Variants in ADAM29 observed in about 807,000 individuals in gnomAD.
The protein encoded by ADAM29 is disintegrin and metalloproteinase domain-containing protein 29.
For missense variants in ADAM29, 969 were observed against 1,001.8 expected (o/e 0.97, Z 0.44); for synonymous variants, 367 against 342.3 (o/e 1.07, Z -0.80).
intron 4 of ADAM29, among the ~76,000 whole-genome samples, chr4:174,940,928 C>A (rs1296562485): frequency 1.3e-5 from 2 of 152,076 alleles, no homozygotes; most frequent in African/African-American, 2.4e-5. Flanking sequence ...GTGTCATACT[C>A]AAGAACAATA....
At chr4:174,954,815 G>A (rs1745405733) in intron 4 of ADAM29, among the ~76,000 whole-genome samples, 1 of 152,028 alleles carries the variant, frequency 6.6e-6, no homozygotes, top group African/African-American at 2.4e-5. Context: ...ATGAATGAAT[G>A]GGCTTGGATT....
intron 4 of ADAM29, among the ~76,000 whole-genome samples, chr4:174,943,499 C>A (rs1744663561): frequency 6.6e-6 from 1 of 152,116 alleles, no homozygotes; most frequent in Admixed American, 6.6e-5. Flanking sequence ...CAAGTAACAT[C>A]TTATATAGCA....
rs190916271 is a variant in ADAM29 at position 174,939,453 on chromosome 4, A to G, written c.-181+2440A>G. On this transcript the variant is annotated intron_variant, in intron 4 of 4. Transcript: ENST00000359240. ...AAAATGAATCATCAAACAACTGGAT[A>G]TTTTCCCCTTTAATATTTCAAGTAT... Among the ~76,000 whole-genome samples, 43 of 152,212 alleles carry G rather than the reference A, an allele frequency of 2.8e-4. 1 individual carries two copies. The East Asian group carries it at 7.9e-3, about 28-fold the overall frequency.
At chr4:174,968,095 G>A (rs1746254849) in intron 4 of ADAM29, among the ~76,000 whole-genome samples, 1 of 151,970 alleles carries the variant, frequency 6.6e-6, no homozygotes, top group Non-Finnish European at 1.5e-5. Context: ...TACATTGCAG[G>A]TGTCAGTACA....
chr4:174,940,398 A>C (rs2110970308), intron 4 of ADAM29, among the ~76,000 whole-genome samples: 1 of 152,270 alleles, frequency 6.6e-6, no homozygotes, highest in South Asian at 2.1e-4. Flanking sequence ...TGATATTAAA[A>C]CTTGAGGGTT....
chr4:174,939,910 A>T (rs7677157), intron 4 of ADAM29, among the ~76,000 whole-genome samples: 100,753 of 151,836 alleles, frequency 0.66, 34,307 homozygotes, highest in East Asian at 0.94. Context: ...ATGAATACAA[A>T]CTTTCCTTTT....
At chr4:174,960,617 C>T (rs1745757236) in intron 4 of ADAM29, among the ~76,000 whole-genome samples, 2 of 152,100 alleles carry the variant, frequency 1.3e-5, no homozygotes, top group South Asian at 4.1e-4. Context: ...ATTGCTCTAT[C>T]AAATGCTTTG....
chr4:174,971,828 T>C (rs1746495707), intron 4 of ADAM29, among the ~76,000 whole-genome samples: 1 of 152,134 alleles, frequency 6.6e-6, no homozygotes, highest in Non-Finnish European at 1.5e-5. Flanking sequence ...ACTTCCTTAA[T>C]GCTTATATTG....
At chr4:174,956,003 T>G (rs1745476438) in intron 4 of ADAM29, among the ~76,000 whole-genome samples, 1 of 152,068 alleles carries the variant, frequency 6.6e-6, no homozygotes, top group South Asian at 2.1e-4. Context: ...TCTTTCCTAT[T>G]GTGCTCAGGA....
chr4:174,929,584 T>TC (rs1040406324), intron 2 of ADAM29, among the ~76,000 whole-genome samples: 26 of 152,196 alleles, frequency 1.7e-4, no homozygotes, highest in African/African-American at 6.0e-4. Flanking sequence ...GCTAAGCTCC[T>TC]CCCTGCTGCA....
chr4:174,923,605 T>C (rs1039727727), intron 2 of ADAM29, among the ~76,000 whole-genome samples: 2 of 146,552 alleles, frequency 1.4e-5, no homozygotes, highest in Admixed American at 1.4e-4. Flanking sequence ...CCACCACACA[T>C]ACTTCCTTTC....
Position 174,977,031 on chromosome 4 carries a change from T to G in ADAM29, c.1506T>G (p.Asn502Lys), listed in dbSNP as rs1022401675. The G allele has an allele frequency of 6.2e-7, 1 of 1,614,026 alleles. No homozygotes were observed. The highest frequency in any genetic ancestry group is 1.3e-5 in the African/African-American group (1 of 74,902). ...YCYEKSCHDR[N>K]EQCRRIFGAG... ...ATGAAAAGAGCTGTCATGACCGCAA[T>G]GAACAGTGTAGGAGGATTTTTGGTG... The change falls in exon 5 of 5, where the codon AAT (asparagine) becomes AAG (lysine). Residue 502 changes from asparagine (N) to lysine (K), a missense_variant. Asn to Lys is a moderately conservative substitution (Grantham distance 94). Transcript: ENST00000359240.
chr4:174,933,800 C>T (rs905860689), intron 3 of ADAM29, among the ~76,000 whole-genome samples: 1 of 152,170 alleles, frequency 6.6e-6, no homozygotes, highest in Admixed American at 6.6e-5. Flanking sequence ...CTGCAAAAGA[C>T]ATTATCTCTT....
chr4:174,968,366 T>C (rs1241491334), intron 4 of ADAM29, among the ~76,000 whole-genome samples: 1 of 152,160 alleles, frequency 6.6e-6, no homozygotes, highest in Non-Finnish European at 1.5e-5. Context: ...GCTCTAGCAC[T>C]GCAGCAGGAA....
At chr4:174,925,420 A>G (rs1209328292) in intron 2 of ADAM29, among the ~76,000 whole-genome samples, 2 of 152,214 alleles carry the variant, frequency 1.3e-5, no homozygotes, top group Admixed American at 1.3e-4. Flanking sequence ...TTATATTAAA[A>G]ATATTTAAAA....
intron 2 of ADAM29, among the ~76,000 whole-genome samples, chr4:174,927,684 G>C (rs558805268): frequency 8.0e-4 from 122 of 152,244 alleles, no homozygotes; most frequent in African/African-American, 2.8e-3. Flanking sequence ...ATTGGTTCTA[G>C]GAGTATTTTA....
chr4:174,940,190 C>T (rs1374103277), intron 4 of ADAM29, among the ~76,000 whole-genome samples: 2 of 152,066 alleles, frequency 1.3e-5, no homozygotes, highest in Admixed American at 6.6e-5. Context: ...ATGATCACAC[C>T]TCATGGTGGC....
Position 174,977,366 on chromosome 4 carries a change from A to G in ADAM29, c.1841A>G (p.His614Arg). ...CGIDHICIHR[H>R]CVHITILNSN... ...ATAGATCATATATGCATCCACAGGC[A>G]CTGTGTCCATATAACCATCTTGAAT... Residue 614 changes from histidine (H) to arginine (R), a missense_variant, in exon 5 of 5, where the codon CAC (histidine) becomes CGC (arginine). His to Arg is a conservative substitution (Grantham distance 29). Transcript: ENST00000359240. The G allele has an allele frequency of 6.2e-7, 1 of 1,613,810 alleles. No homozygotes were observed. Among genetic ancestry groups the G allele is most frequent in the Non-Finnish European group, 8.5e-7 (1 of 1,180,038 alleles).
At chr4:174,940,304 G>T (rs1285263667) in intron 4 of ADAM29, among the ~76,000 whole-genome samples, 1 of 151,912 alleles carries the variant, frequency 6.6e-6, no homozygotes, top group African/African-American at 2.4e-5. Context: ...TAACATGAAG[G>T]TTTGCTTATT....
Sources: allele counts gnomAD v4.1 joint callset (sites outside exome capture counted in the v4.1 genomes callset), GRCh38; gene constraint gnomAD v4.1.1; transcripts MANE v1.5; gene names NCBI Gene and HGNC (gene_info 2026-07-23, HGNC 2026-07-21).